KIAA1671: variants seen among roughly 807,000 people sequenced by gnomAD.
The protein encoded by KIAA1671 is uncharacterized protein KIAA1671.
Under a neutral mutation model 131.2 loss-of-function variants are expected in KIAA1671, and 52 were observed. That is an observed-to-expected ratio of 0.40 (90% CI 0.32 to 0.50). KIAA1671 has a LOEUF of 0.50. Ranked by LOEUF, KIAA1671 falls within the 20% of genes least tolerant of loss-of-function variation. The pLI is 0.73. For synonymous variants in KIAA1671, 1,003 were observed against 961.6 expected (o/e 1.04, Z -0.80); for missense variants, 2,360 against 2,364.2 (o/e 1.00, Z 0.04).
At chr22:25,179,821 T>A (rs1934202638) in intron 9 of KIAA1671, among the ~76,000 whole-genome samples, 1 of 152,258 alleles carries the variant, frequency 6.6e-6, no homozygotes, top group Non-Finnish European at 1.5e-5. Flanking sequence ...TTTTTCTGTA[T>A]TCCTGAGTTG....
rs112196635 is a variant in KIAA1671, at chr22:24,961,481, G to A, written c.-208+8709G>A. Among the ~76,000 whole-genome samples, 1,376 of 152,276 alleles carry A rather than the reference G, an allele frequency of 9.0e-3. 25 individuals carry two copies. Among genetic ancestry groups the A allele is most frequent in the African/African-American group, 0.031 (1,299 of 41,546 alleles). The stretch of plus-strand genomic sequence containing the variant: ...CAGCAAACATTTGTTTCATGCTCAC[G>A]AGTCAGCAGGTAGCTTGGCTGACCT... On this transcript the variant is annotated intron_variant, in intron 1 of 12. Coordinates refer to ENST00000358431, the MANE Select transcript of KIAA1671 (RefSeq NM_001145206.2).
intron 6 of KIAA1671, among the ~76,000 whole-genome samples, chr22:25,119,993 C>G (rs559462826): frequency 6.6e-6 from 1 of 152,328 alleles, no homozygotes; most frequent in East Asian, 1.9e-4. Context: ...ATCTGTGCCT[C>G]TGTGTGGAGT....
intron 1 of KIAA1671, among the ~76,000 whole-genome samples, chr22:24,984,112 G>T (rs1569198266): frequency 6.6e-6 from 1 of 152,116 alleles, no homozygotes; most frequent in East Asian, 1.9e-4. Context: ...CCTCTCAGGG[G>T]CTTAAGCAGG....
At chr22:25,120,438 A>G (rs1931877484) in intron 6 of KIAA1671, among the ~76,000 whole-genome samples, 1 of 152,202 alleles carries the variant, frequency 6.6e-6, no homozygotes, top group Non-Finnish European at 1.5e-5. Flanking sequence ...TTATAGATCT[A>G]GCCTGGGCCA....
intron 6 of KIAA1671, chr22:25,112,385 C>T (rs936892434): frequency 1.3e-5 from 5 of 399,140 alleles, no homozygotes; most frequent in East Asian, 3.6e-5. Context: ...GGAATCCTTC[C>T]GCCGCTTCTC....
At chr22:24,988,591 C>T (rs1602047538) in intron 1 of KIAA1671, among the ~76,000 whole-genome samples, 1 of 151,672 alleles carries the variant, frequency 6.6e-6, no homozygotes, top group Non-Finnish European at 1.5e-5. Flanking sequence ...CAAAAATTAG[C>T]CAGGCATGGT....
chr22:25,147,136 CATTTT>C (rs1041228651), intron 6 of KIAA1671, among the ~76,000 whole-genome samples: 2 of 151,374 alleles, frequency 1.3e-5, no homozygotes, highest in African/African-American at 4.9e-5. Flanking sequence ...TGCCATGCAG[CATTTT>C]ATTTTATTTT....
chr22:25,152,607 C>T (rs1371057285), intron 6 of KIAA1671, among the ~76,000 whole-genome samples: 6 of 152,118 alleles, frequency 3.9e-5, no homozygotes, highest in Non-Finnish European at 8.8e-5. Flanking sequence ...CAAAACTTGC[C>T]CCTGTACCAA....
rs1023743724 is a variant in KIAA1671, at chr22:25,029,095, A to C, written c.1096A>C (p.Ser366Arg). ...EKMLSKPEMG[S>R]PRALVGGSSG... ...GATGCTTTCGAAGCCGGAGATGGGC[A>C]GCCCCAGAGCCCTGGTGGGGGGCTC... The change falls in exon 3 of 13, where the codon AGC becomes CGC. Residue 366 changes from serine to arginine, a missense_variant. Physicochemically the swap from Ser to Arg is moderately radical, Grantham distance 110 (BLOSUM62 -1). This residue lies in a region of KIAA1671 where 1,185 missense variants were observed against 1,126.2 expected (regional missense o/e 1.05). Coordinates refer to ENST00000358431, the MANE Select transcript of KIAA1671 (RefSeq NM_001145206.2). 2 of 1,481,762 alleles carry C rather than the reference A, an allele frequency of 1.3e-6. No individual in the cohort carries two copies. Among genetic ancestry groups the C allele is most frequent in the Middle Eastern group, 3.5e-4 (2 of 5,638 alleles). The allele number at this position is 1,481,762 out of a possible 1,614,324, so 91.8% of individuals were successfully genotyped here. A position where few individuals can be genotyped will look rare whatever the true frequency, so the allele number is the denominator to read the frequency against.
intron 6 of KIAA1671, chr22:25,055,817 T>G (rs1602103110): frequency 6.7e-6 from 1 of 148,898 alleles, no homozygotes; most frequent in African/African-American, 2.4e-5. Flanking sequence ...TAGATATAGA[T>G]ATAGATATAG....
At chr22:25,108,418 C>T (rs1883280) in intron 6 of KIAA1671, among the ~76,000 whole-genome samples, 30,350 of 152,030 alleles carry the variant, frequency 0.2, 3,852 homozygotes, top group Non-Finnish European at 0.27. Flanking sequence ...ACGTCCTGGG[C>T]CTGCGTAATG....
At chr22:25,077,487 G>GC (rs1371408672) in intron 6 of KIAA1671, among the ~76,000 whole-genome samples, 1 of 152,184 alleles carries the variant, frequency 6.6e-6, no homozygotes, top group African/African-American at 2.4e-5. Flanking sequence ...CTCCAGCCCC[G>GC]CCCAGGGTCT....
intron 6 of KIAA1671, among the ~76,000 whole-genome samples, chr22:25,070,702 G>A (rs926787281): frequency 6.6e-6 from 1 of 152,020 alleles, no homozygotes; most frequent in Admixed American, 6.5e-5. Flanking sequence ...CAGGAAGAAC[G>A]AGAACCACTT....
At chr22:24,985,401 GCGATCTCGGCTCAC>G (rs1445166349) in intron 1 of KIAA1671, among the ~76,000 whole-genome samples, 1 of 150,600 alleles carries the variant, frequency 6.6e-6, no homozygotes, top group Non-Finnish European at 1.5e-5. Context: ...GTGCAGTGGT[GCGATCTCGGCTCAC>G]TGCAAGCTCC....
intron 6 of KIAA1671, chr22:25,051,293 A>T (rs1443507686): frequency 6.6e-6 from 1 of 152,228 alleles, no homozygotes; most frequent in Non-Finnish European, 1.5e-5. Flanking sequence ...CCCATCCTAG[A>T]GGGACCTTTT....
chr22:25,038,683 C>A lies in KIAA1671; in HGVS notation c.1630-77C>A. On this transcript the variant is annotated intron_variant, in intron 4 of 12. Transcript: ENST00000358431. ...GTTTTAATTATACAAGCAGCCCTTT[C>A]AATTACTCCACTTTTTCCTTTCCAT... 1.2e-5 allele frequency: 17 copies of A among 1,380,460 alleles called. No homozygotes were observed. The South Asian group carries it at 2.3e-4, about 18-fold the overall frequency. The allele number at this position is 1,380,460 out of a possible 1,614,324, so 85.5% of individuals were successfully genotyped here. A position where few individuals can be genotyped will look rare whatever the true frequency, so the allele number is the denominator to read the frequency against.
chr22:25,033,908 C>A lies in KIAA1671; in HGVS notation c.1629+1212C>A, dbSNP rs373432362. The stretch of plus-strand genomic sequence containing the variant: ...TTTTTTTAAAAACAGCTTTGAGATA[C>A]AATTGACATACAGGAAAGAGCACAG... On this transcript the variant is annotated intron_variant, in intron 4 of 12. Coordinates refer to ENST00000358431, the MANE Select transcript of KIAA1671 (RefSeq NM_001145206.2). Among the ~76,000 whole-genome samples the A allele has an allele frequency of 1.9e-3, 284 of 152,024 alleles. 7 individuals carry two copies. In the South Asian group the frequency reaches 0.04, roughly 21 times the overall value.
At chr22:25,032,544 GGT>G in intron 3 of KIAA1671, 63 bp from the exon 4 acceptor site, 1 of 1,010,858 alleles carries the variant, frequency 9.9e-7, no homozygotes, top group East Asian at 2.7e-5. Context: ...CTCCTGAGCT[GGT>G]GTGTGGGCTG....
At chr22:25,171,504 G>A (rs1038358405) in intron 7 of KIAA1671, among the ~76,000 whole-genome samples, 4 of 152,112 alleles carry the variant, frequency 2.6e-5, no homozygotes, top group Admixed American at 2.0e-4. Context: ...TTGAGGCCTG[G>A]AGTTTGAGAC....
Sources: gnomAD v4.1 joint callset for allele counts (sites outside exome capture counted in the v4.1 genomes callset) on GRCh38, gnomAD v4.1.1 for gene constraint, gnomAD v4.1.1 regional missense constraint, MANE v1.5 for transcripts, NCBI Gene and HGNC (gene_info 2026-07-23, HGNC 2026-07-21) for gene names.